UGT1A8: variants seen among roughly 807,000 people sequenced by gnomAD.
UGT1A8 encodes the protein UDP glucuronosyltransferase family 1 member A8.
In UGT1A8, 39 loss-of-function variants were observed where a neutral mutation model predicts 45.3. The observed-to-expected ratio is 0.86, with a 90% CI of 0.67 to 1.12. The LOEUF (loss-of-function observed/expected upper bound fraction) is 1.12. UGT1A8 is among the 50% of genes most tolerant of loss of function. The pLI is 0.00. For missense variants in UGT1A8, 719 were observed against 664.9 expected (o/e 1.08, Z -0.90); for synonymous variants, 275 against 249.2 (o/e 1.10, Z -0.97).
chr2:233,670,423 CCTT>C (rs2074159481), intron 1 of UGT1A8, among the ~76,000 whole-genome samples: 1 of 152,190 alleles, frequency 6.6e-6, no homozygotes. Context: ...CAGTACTAGT[CCTT>C]CTTCCCCATT....
intron 1 of UGT1A8, among the ~76,000 whole-genome samples, chr2:233,720,633 T>C (rs2076877142): frequency 6.6e-6 from 1 of 152,112 alleles, no homozygotes; most frequent in South Asian, 2.1e-4. Context: ...ATTGAAATAG[T>C]ACTCTGGGAT....
intron 1 of UGT1A8, among the ~76,000 whole-genome samples, chr2:233,619,515 T>G (rs2072961686): frequency 6.6e-6 from 1 of 152,206 alleles, no homozygotes; most frequent in African/African-American, 2.4e-5. Flanking sequence ...GGCATCTTTT[T>G]GCTATTATAT....
chr2:233,772,677 A>C lies in UGT1A8; in HGVS notation c.*118A>C. The C allele has an allele frequency of 1.4e-5, 22 of 1,531,978 alleles. No homozygotes were observed. The highest frequency in any genetic ancestry group is 1.8e-5 in the Non-Finnish European group (21 of 1,142,190). 94.9% of individuals were successfully genotyped at this position (1,531,978 alleles called of 1,614,324 possible). On this transcript the variant is annotated 3_prime_UTR_variant, in exon 5 of 5. Transcript: ENST00000373450. Reference sequence around the variant, plus strand: ...ATTAAGGAAATACTTTGCATAAATTAATCAGCCCCAGAGTGCTTTAAAAAA... The same window carrying C: ...ATTAAGGAAATACTTTGCATAAATTCATCAGCCCCAGAGTGCTTTAAAAAA...
chr2:233,745,337 C>G lies in UGT1A8; in HGVS notation c.856-21697C>G, dbSNP rs1050113231. Reference sequence around the variant, plus strand: ...TCCACTAGAACTGCTATATCATGACCATGAATTTTGGGGGAATTTTTTTGA... The same window carrying G: ...TCCACTAGAACTGCTATATCATGACGATGAATTTTGGGGGAATTTTTTTGA... On this transcript the variant is annotated intron_variant, in intron 1 of 4. Coordinates refer to ENST00000373450, the MANE Select transcript of UGT1A8 (RefSeq NM_019076.5). 2.3e-4 allele frequency among the ~76,000 whole-genome samples: 35 copies of G among 151,944 alleles called. 1 individual carries two copies. Among genetic ancestry groups the G allele is most frequent in the African/African-American group, 8.2e-4 (34 of 41,228 alleles).
At chr2:233,692,842 T>C in intron 1 of UGT1A8, 7 of 1,452,474 alleles carry the variant, frequency 4.8e-6, no homozygotes, top group Non-Finnish European at 6.3e-6. Flanking sequence ...AATGGTTAAA[T>C]ATTAATTTGG....
rs72551330 is a variant in UGT1A8 at position 233,672,032 on chromosome 2, T to C, written c.855+53470T>C. On this transcript the variant is annotated intron_variant, in intron 1 of 4. Transcript: ENST00000373450. ...GCAGGGAAGCTACTGGTAGTGCCCATGGATGGGAGCCACTGGTTCACCATG... is the reference window on the plus strand; with the variant it reads ...GCAGGGAAGCTACTGGTAGTGCCCACGGATGGGAGCCACTGGTTCACCATG... 18,518 of 1,614,136 alleles carry C rather than the reference T, an allele frequency of 0.011. 132 individuals carry two copies. Among genetic ancestry groups the C allele is most frequent in the Non-Finnish European group, 0.014 (16,060 of 1,179,994 alleles).
At chr2:233,690,981 C>T in intron 1 of UGT1A8, 5 of 997,484 alleles carry the variant, frequency 5.0e-6, no homozygotes, top group Non-Finnish European at 6.0e-6. Flanking sequence ...ACAGGACCCA[C>T]ATATGAGCAA....
chr2:233,670,564 T>C (rs932079654), intron 1 of UGT1A8, among the ~76,000 whole-genome samples: 1 of 152,248 alleles, frequency 6.6e-6, no homozygotes, highest in Admixed American at 6.5e-5. Flanking sequence ...GCTTCTTCTA[T>C]GTCTTCTTTA....
chr2:233,768,376 A>G lies in UGT1A8; in HGVS notation c.1232A>G (p.Asn411Ser). The G allele has an allele frequency of 6.2e-7, 1 of 1,614,182 alleles. No homozygotes were observed. The highest frequency in any genetic ancestry group is 8.5e-7 in the Non-Finnish European group (1 of 1,180,034). ...ACTAAGGGAGCTGGAGTGACCCTGA[A>G]TGTTCTGGAAATGACTTCTGAAGAT... is the stretch of plus-strand genomic sequence containing the variant. ...METKGAGVTLNVLEMTSEDLE... is the reference protein window; with the variant it reads ...METKGAGVTLSVLEMTSEDLE... Residue 411 changes from asparagine (N) to serine (S), a missense_variant, in exon 4 of 5, where the codon AAT becomes AGT. Physicochemically the swap from Asn to Ser is conservative, Grantham distance 46 (BLOSUM62 1). Transcript: ENST00000373450.
chr2:233,694,248 C>T (rs1050180711), intron 1 of UGT1A8, among the ~76,000 whole-genome samples: 1 of 151,938 alleles, frequency 6.6e-6, no homozygotes, highest in African/African-American at 2.4e-5. Flanking sequence ...GGACCTTGAG[C>T]CAGGGACCAG....
chr2:233,718,076 T>C (rs2076626842), intron 1 of UGT1A8: 1 of 344,040 alleles, frequency 2.9e-6, no homozygotes, highest in Admixed American at 3.7e-5. Context: ...CTTGCTAGGG[T>C]TGTCTTGCCC....
At chr2:233,770,346 C>T (rs1357381259) in intron 4 of UGT1A8, 2 of 152,134 alleles carry the variant, frequency 1.3e-5, no homozygotes, top group African/African-American at 4.8e-5. Flanking sequence ...TGCTCAATTA[C>T]TATTGAATGA....
intron 1 of UGT1A8, among the ~76,000 whole-genome samples, chr2:233,657,638 G>A (rs2125484158): frequency 6.6e-6 from 1 of 152,324 alleles, no homozygotes; most frequent in African/African-American, 2.4e-5. Context: ...CACTTGACTT[G>A]AGGGAGTCAG....
At chr2:233,693,089 C>CACTTTGGGGCA in intron 1 of UGT1A8, 2 of 1,614,140 alleles carry the variant, frequency 1.2e-6, no homozygotes, top group Non-Finnish European at 1.7e-6. Context: ...AGGTGACAAG[C>CACTTTGGGGCA]TGCTGGTGGT....
rs1293478341 is a variant in UGT1A8, at chr2:233,720,768, G to A, written c.856-46266G>A. On this transcript the variant is annotated intron_variant, in intron 1 of 4. Coordinates refer to ENST00000373450, the MANE Select transcript of UGT1A8 (RefSeq NM_019076.5). ...TCGCCCAGGCTGGAGGGCAGTGGCCGGATCTCCGCTCACTGCAACCTTCAC... is the reference window on the plus strand; with the variant it reads ...TCGCCCAGGCTGGAGGGCAGTGGCCAGATCTCCGCTCACTGCAACCTTCAC... Among the ~76,000 whole-genome samples, 6 of 150,528 alleles carry A rather than the reference G, an allele frequency of 4.0e-5. No individual in the cohort carries two copies. The South Asian group carries it at 8.4e-4, about 21-fold the overall frequency.
chr2:233,754,250 G>A (rs1695430755), intron 1 of UGT1A8: 1 of 169,840 alleles, frequency 5.9e-6, no homozygotes, highest in Non-Finnish European at 1.3e-5. Flanking sequence ...TTTCCCAACG[G>A]AAAAAGGTAA....
At chr2:233,717,333 C>A (rs1334785551) in intron 1 of UGT1A8, among the ~76,000 whole-genome samples, 1 of 152,204 alleles carries the variant, frequency 6.6e-6, no homozygotes, top group East Asian at 1.9e-4. Flanking sequence ...CCTCACAAAT[C>A]CCCAGAAATC....
At chr2:233,693,644 G>A in intron 1 of UGT1A8, 1 of 1,614,158 alleles carries the variant, frequency 6.2e-7, no homozygotes, top group Non-Finnish European at 8.5e-7. Flanking sequence ...CAACTTCCTT[G>A]TTAATTTGTT....
Position 233,772,402 on chromosome 2 carries a change from C to T in UGT1A8, c.1436C>T (p.Thr479Ile), listed in dbSNP as rs1279219087. The T allele has an allele frequency of 6.2e-7, 1 of 1,614,144 alleles. No individual in the cohort carries two copies. The highest frequency in any genetic ancestry group is 1.3e-5 in the African/African-American group (1 of 74,938). ...CTGCGCCCCGCAGCCCACGACCTCA[C>T]CTGGTACCAGTACCATTCCTTGGAC... ...PHLRPAAHDLTWYQYHSLDVI... is the reference protein window; with the variant it reads ...PHLRPAAHDLIWYQYHSLDVI... The change falls in exon 5 of 5, where the codon ACC (threonine) becomes ATC (isoleucine). Residue 479 changes from threonine to isoleucine, a missense_variant. By Grantham distance (89) the Thr-to-Ile change is moderately conservative. Coordinates refer to ENST00000373450, the MANE Select transcript of UGT1A8 (RefSeq NM_019076.5).
Sources: allele counts gnomAD v4.1 joint callset (sites outside exome capture counted in the v4.1 genomes callset), GRCh38; gene constraint gnomAD v4.1.1; transcripts MANE v1.5; gene names NCBI Gene and HGNC (gene_info 2026-07-23, HGNC 2026-07-21).